RNF185: variants seen among roughly 807,000 people sequenced by gnomAD.
RNF185 encodes ring finger protein 185.
RNF185 carries 13 observed loss-of-function variants against 24.9 expected under a neutral mutation model. That is an observed-to-expected ratio of 0.52 (90% confidence interval 0.34 to 0.83). The LOEUF (loss-of-function observed/expected upper bound fraction) is 0.83. Among genes scored for constraint, RNF185 ranks in the 40% least tolerant of loss-of-function variants. The pLI is 0.01. For missense variants in RNF185, 184 were observed against 244.7 expected (o/e 0.75, Z 1.65); for synonymous variants, 79 against 90.3 (o/e 0.88, Z 0.71).
intron 5 of RNF185, among the ~76,000 whole-genome samples, chr22:31,198,700 C>CT (rs1371751078): frequency 3.8e-4 from 38 of 100,456 alleles, no homozygotes; most frequent in Non-Finnish European, 5.3e-4. Context: ...CGCACTGCCA[C>CT]TTTCTTTTTT....
chr22:31,191,637 CCTGA>C (rs1463296368), intron 2 of RNF185, among the ~76,000 whole-genome samples: 1 of 152,092 alleles, frequency 6.6e-6, no homozygotes, highest in African/African-American at 2.4e-5. Flanking sequence ...TTGAGACCAG[CCTGA>C]CTAACACGGT....
In RNF185 at chr22:31,198,812, C is replaced by T. The variant is rs1301547686; in HGVS notation, c.363+1822C>T. ...GGATCTTGAAAGAAATTAAGGTTCT[C>T]GGCTGGGCGTGGTGGCTCACACCTG... On this transcript the variant is annotated intron_variant, in intron 5 of 6. Coordinates refer to ENST00000326132, the MANE Select transcript of RNF185 (RefSeq NM_152267.4). 1.8e-4 allele frequency among the ~76,000 whole-genome samples: 23 copies of T among 130,080 alleles called. No individual in the cohort carries two copies. In the East Asian group the frequency reaches 3.2e-3, roughly 18 times the overall value. The allele number at this position is 130,080 out of a possible 152,430, so 85.3% of individuals were successfully genotyped here.
intron 1 of RNF185, among the ~76,000 whole-genome samples, chr22:31,178,459 A>C (rs933276063): frequency 6.6e-6 from 1 of 152,228 alleles, no homozygotes; most frequent in African/African-American, 2.4e-5. Context: ...CATTAAAAGC[A>C]TACAGATTCT....
intron 1 of RNF185, among the ~76,000 whole-genome samples, chr22:31,172,614 T>A (rs1241563264): frequency 1.3e-5 from 2 of 151,998 alleles, no homozygotes; most frequent in Non-Finnish European, 2.9e-5. Flanking sequence ...CCAGTCATGA[T>A]GGTGCACACC....
intron 6 of RNF185, among the ~76,000 whole-genome samples, chr22:31,204,138 T>G (rs1276100838): frequency 6.7e-6 from 1 of 149,604 alleles, no homozygotes; most frequent in Non-Finnish European, 1.5e-5. Flanking sequence ...AGGTCAGGAG[T>G]TCGAGACCAG....
intron 1 of RNF185, among the ~76,000 whole-genome samples, chr22:31,167,352 T>G (rs1923990914): frequency 6.6e-6 from 1 of 152,066 alleles, no homozygotes; most frequent in Non-Finnish European, 1.5e-5. Flanking sequence ...TATTTTTAAA[T>G]GTACAATTCA....
At chr22:31,195,720 C>T (rs1415375025) in intron 4 of RNF185, 139 bp downstream of exon 4, 1 of 627,680 alleles carries the variant, frequency 1.6e-6, no homozygotes, top group Non-Finnish European at 2.8e-6. Context: ...AGATGAGAGT[C>T]AGCTAGGAGG....
chr22:31,163,610 G>A (rs912128748), intron 1 of RNF185, among the ~76,000 whole-genome samples: 4 of 151,898 alleles, frequency 2.6e-5, no homozygotes, highest in African/African-American at 9.7e-5. Context: ...TTACAGGTAT[G>A]AGCCACCACT....
chr22:31,193,551 A>AG (rs2048175451), intron 3 of RNF185, among the ~76,000 whole-genome samples: 1 of 152,130 alleles, frequency 6.6e-6, no homozygotes, highest in African/African-American at 2.4e-5. Context: ...TCCAGCACGT[A>AG]GGGAGGCCAA....
At chr22:31,193,504 C>G (rs2048174761) in intron 3 of RNF185, among the ~76,000 whole-genome samples, 1 of 152,112 alleles carries the variant, frequency 6.6e-6, no homozygotes, top group Non-Finnish European at 1.5e-5. Flanking sequence ...TCTATAAAAA[C>G]ACATTTTGGC....
In RNF185 at chr22:31,204,968, TA is replaced by T. The variant is rs1413564169; in HGVS notation, c.*383del. 1 of 197,102 alleles carries T rather than the reference TA, an allele frequency of 5.1e-6. No individual in the cohort carries two copies. Among genetic ancestry groups the T allele is most frequent in the Non-Finnish European group, 1.2e-5 (1 of 83,408 alleles). The allele number at this position is 197,102 out of a possible 1,614,324, so 12.2% of individuals were successfully genotyped here. On this transcript the variant is annotated 3_prime_UTR_variant, in exon 7 of 7. Coordinates refer to ENST00000326132, the MANE Select transcript of RNF185 (RefSeq NM_152267.4). ...AGAAACAAAGGGATGCACCAAATGG[TA>T]TTTCTGGAAATTTTCATGTCTTTAA...
chr22:31,201,678 T>C, intron 6 of RNF185, 63 bp downstream of exon 6: 1 of 1,162,694 alleles, frequency 8.6e-7, no homozygotes, highest in Non-Finnish European at 1.3e-6. Context: ...GAAAGCTCCT[T>C]GGAATTCAGC....
chr22:31,174,165 G>GA (rs2047958738), intron 1 of RNF185, among the ~76,000 whole-genome samples: 1 of 152,128 alleles, frequency 6.6e-6, no homozygotes, highest in Admixed American at 6.5e-5. Context: ...TAGCAAATGA[G>GA]AAAAACAAAG....
chr22:31,162,098 A>G (rs576474499), intron 1 of RNF185, among the ~76,000 whole-genome samples: 28 of 152,088 alleles, frequency 1.8e-4, no homozygotes, highest in Non-Finnish European at 3.8e-4. Context: ...TGCCTAAATC[A>G]CTTTTTCAAC....
At chr22:31,166,419 G>A (rs1365059909) in intron 1 of RNF185, among the ~76,000 whole-genome samples, 1 of 151,992 alleles carries the variant, frequency 6.6e-6, no homozygotes, top group Non-Finnish European at 1.5e-5. Flanking sequence ...TTCCTGCTAC[G>A]GGGCACATTT....
chr22:31,197,744 T>G (rs1015140636), intron 5 of RNF185, among the ~76,000 whole-genome samples: 2 of 152,060 alleles, frequency 1.3e-5, no homozygotes, highest in Admixed American at 1.3e-4. Context: ...TCTTTCTTTT[T>G]TTTGTTTTGT....
chr22:31,199,697 A>G (rs924857395), intron 5 of RNF185, among the ~76,000 whole-genome samples: 5 of 152,228 alleles, frequency 3.3e-5, no homozygotes, highest in African/African-American at 1.2e-4. Context: ...AGGCAGCCTC[A>G]GTCCCAGGAG....
chr22:31,176,425 C>T (rs1568962666), intron 1 of RNF185, among the ~76,000 whole-genome samples: 1 of 151,592 alleles, frequency 6.6e-6, no homozygotes, highest in Non-Finnish European at 1.5e-5. Context: ...CAGGTATGAC[C>T]CACCGCACCT....
In RNF185 at chr22:31,206,899, G is replaced by C. The variant is rs2048319806; in HGVS notation, c.*2313G>C. On this transcript the variant is annotated 3_prime_UTR_variant, in exon 7 of 7. Transcript: ENST00000326132. ...TGCCACCCTTGTGGACTAGGACCAGGTCCTGACCCCAGTCAGAAAATGATG... is the reference window on the plus strand; with the variant it reads ...TGCCACCCTTGTGGACTAGGACCAGCTCCTGACCCCAGTCAGAAAATGATG... 1 of 152,232 alleles carries C rather than the reference G, an allele frequency of 6.6e-6. No homozygotes were observed. The allele number at this position is 152,232 out of a possible 1,614,324, so 9.4% of individuals were successfully genotyped here. A position where few individuals can be genotyped will look rare whatever the true frequency, so the allele number is the denominator to read the frequency against.
Sources: gnomAD v4.1 joint callset for allele counts (sites outside exome capture counted in the v4.1 genomes callset) on GRCh38, gnomAD v4.1.1 for gene constraint, MANE v1.5 for transcripts, NCBI Gene and HGNC (gene_info 2026-07-23, HGNC 2026-07-21) for gene names.